C6orf163: variants seen among roughly 807,000 people sequenced by gnomAD.
C6orf163 encodes chromosome 6 open reading frame 163, also known as uncharacterized protein C6orf163.
C6orf163 carries 22 observed loss-of-function variants against 28.4 expected under a neutral mutation model. The observed-to-expected ratio is 0.78, with a 90% CI of 0.55 to 1.11. C6orf163 has a LOEUF of 1.11. C6orf163 is among the 50% of genes least tolerant of loss of function. C6orf163 has a pLI of 0.00. For missense variants in C6orf163, 342 were observed against 389.1 expected (o/e 0.88, Z 1.02); for synonymous variants, 110 against 123.6 (o/e 0.89, Z 0.73).
At chr6:87,349,263 GA>G (rs966065328) in intron 2 of C6orf163, among the ~76,000 whole-genome samples, 4 of 150,894 alleles carry the variant, frequency 2.7e-5, no homozygotes, top group African/African-American at 9.7e-5. Flanking sequence ...AAACTAAAAA[GA>G]AAAAAAAATG....
intron 4 of C6orf163, among the ~76,000 whole-genome samples, chr6:87,359,530 T>C (rs530987600): frequency 3.9e-5 from 6 of 152,328 alleles, no homozygotes; most frequent in African/African-American, 1.4e-4. Flanking sequence ...ACACAGTGGT[T>C]GTACCTGATT....
At chr6:87,359,033 T>G (rs1381693730) in intron 4 of C6orf163, 1 of 152,278 alleles carries the variant, frequency 6.6e-6, no homozygotes, top group Non-Finnish European at 1.5e-5. Flanking sequence ...AAGTACCTTC[T>G]GTGGATGTGG....
chr6:87,348,450 A>G, intron 1 of C6orf163: 1 of 1,000,056 alleles, frequency 1.0e-6, no homozygotes, highest in Non-Finnish European at 1.2e-6. Flanking sequence ...AAATAGGAAC[A>G]GGGAGAGAGA....
At chr6:87,364,839 C>G in intron 4 of C6orf163, 122 bp from the exon 5 acceptor site, 1 of 706,562 alleles carries the variant, frequency 1.4e-6, no homozygotes, top group South Asian at 2.0e-5. Flanking sequence ...TCATCCGTAT[C>G]AGCCTGTCTC....
At chr6:87,351,110 A>G (rs1777405327) in intron 3 of C6orf163, among the ~76,000 whole-genome samples, 1 of 152,268 alleles carries the variant, frequency 6.6e-6, no homozygotes, top group Non-Finnish European at 1.5e-5. Flanking sequence ...GTTCAAGTAC[A>G]TGACTCTAGG....
At chr6:87,356,280 C>T (rs2127933568) in intron 3 of C6orf163, 21 bp from the exon 4 acceptor site, 1 of 1,543,984 alleles carries the variant, frequency 6.5e-7, no homozygotes, top group East Asian at 2.4e-5. Context: ...ATAGCTAAAC[C>T]TAGTTTTGCC....
chr6:87,353,107 A>C (rs1777442674), intron 3 of C6orf163, among the ~76,000 whole-genome samples: 1 of 152,204 alleles, frequency 6.6e-6, no homozygotes, highest in South Asian at 2.1e-4. Context: ...GTGAGGCAGT[A>C]AATGAATTTT....
intron 3 of C6orf163, among the ~76,000 whole-genome samples, chr6:87,354,998 T>C (rs560875736): frequency 1.3e-5 from 2 of 152,368 alleles, no homozygotes; most frequent in Admixed American, 6.5e-5. Context: ...GAACTCTTAC[T>C]GGTTTTATTC....
At position 87,345,046 on chromosome 6, in the gene C6orf163, C is replaced by T; in HGVS notation, c.-54C>T. The T allele has an allele frequency of 2.1e-6, 3 of 1,422,588 alleles. No individual in the cohort carries two copies. Among genetic ancestry groups the T allele is most frequent in the Non-Finnish European group, 2.8e-6 (3 of 1,073,340 alleles). 88.1% of individuals were successfully genotyped at this position (1,422,588 alleles called of 1,614,324 possible). ...TCAGCTTTTCTTGAAACGACTTTTT[C>T]TGATTCTAAGATTATTTTAACTGTA... On this transcript the variant is annotated 5_prime_UTR_variant, in exon 1 of 5. Transcript: ENST00000388923.
intron 1 of C6orf163, among the ~76,000 whole-genome samples, chr6:87,347,059 A>C (rs1203711159): frequency 1.3e-5 from 2 of 152,170 alleles, no homozygotes; most frequent in Non-Finnish European, 2.9e-5. Context: ...CCATCACCAC[A>C]ATCACAACAT....
At chr6:87,362,066 A>G (rs796857423) in intron 4 of C6orf163, among the ~76,000 whole-genome samples, 1 of 152,234 alleles carries the variant, frequency 6.6e-6, no homozygotes, top group Non-Finnish European at 1.5e-5. Flanking sequence ...AGCTTGAAGC[A>G]GGTAATGATT....
At position 87,348,914 on chromosome 6, in the gene C6orf163, A is replaced by G; in HGVS notation, c.243+8A>G. The G allele has an allele frequency of 6.5e-7, 1 of 1,536,186 alleles. No individual in the cohort carries two copies. Among genetic ancestry groups the G allele is most frequent in the Non-Finnish European group, 8.7e-7 (1 of 1,146,672 alleles). ...GCTGAAGTATGGGCTCAGGTAAAAG[A>G]AGTTACATGTCAACCTAAAGTCCAT... On this transcript the variant is annotated splice_region_variant and intron_variant, in intron 2 of 4. Coordinates refer to ENST00000388923, the MANE Select transcript of C6orf163 (RefSeq NM_001010868.3).
At chr6:87,360,642 C>G (rs1487002455) in intron 4 of C6orf163, among the ~76,000 whole-genome samples, 1 of 152,116 alleles carries the variant, frequency 6.6e-6, no homozygotes, top group Non-Finnish European at 1.5e-5. Flanking sequence ...TTCAAGTGAT[C>G]CACTTGCTTC....
intron 1 of C6orf163, chr6:87,347,896 C>G: frequency 1.0e-6 from 1 of 984,092 alleles, no homozygotes; most frequent in Non-Finnish European, 1.2e-6. Flanking sequence ...TGGCTCACGC[C>G]TGTAATCCTA....
At chr6:87,361,743 G>GA (rs1417047362) in intron 4 of C6orf163, among the ~76,000 whole-genome samples, 4 of 152,156 alleles carry the variant, frequency 2.6e-5, no homozygotes, top group African/African-American at 9.7e-5. Context: ...GACCCGGGTT[G>GA]AAAATCAGCA....
intron 4 of C6orf163, among the ~76,000 whole-genome samples, chr6:87,362,952 CTTT>C (rs1777601019): frequency 6.6e-6 from 1 of 152,192 alleles, no homozygotes. Context: ...TGGCTAAGAG[CTTT>C]TGCCCTGGTC....
Position 87,364,955 on chromosome 6 carries a change from T to C in C6orf163, c.555-6T>C. The C allele has an allele frequency of 3.9e-6, 6 of 1,529,248 alleles. No individual in the cohort carries two copies. Among genetic ancestry groups the C allele is most frequent in the Non-Finnish European group, 5.3e-6 (6 of 1,134,322 alleles). The allele number at this position is 1,529,248 out of a possible 1,614,324, so 94.7% of individuals were successfully genotyped here. A position where few individuals can be genotyped will look rare whatever the true frequency, so the allele number is the denominator to read the frequency against. On this transcript the variant is annotated splice_region_variant and splice_polypyrimidine_tract_variant and intron_variant, in intron 4 of 4. Transcript: ENST00000388923. ...CTAAATTATAAATCCATATTATCTT[T>C]TGTAGCAAAGCCGTGGAGGAAATTG... is the stretch of plus-strand genomic sequence containing the variant.
chr6:87,364,978 T>G lies in C6orf163; in HGVS notation c.572T>G (p.Ile191Ser). Residue 191 changes from isoleucine (I) to serine (S), a missense_variant, in exon 5 of 5, where the codon ATT becomes AGT. Physicochemically the swap from Ile to Ser is moderately radical, Grantham distance 142. Transcript: ENST00000388923. ...TTTTGTAGCAAAGCCGTGGAGGAAA[T>G]TGTGAATACTGGTGTCACAGTTATT... is the stretch of plus-strand genomic sequence containing the variant. ...QAQKSKAVEEIVNTGVTVIKD... is the reference protein window; with the variant it reads ...QAQKSKAVEESVNTGVTVIKD... 1 of 1,543,528 alleles carries G rather than the reference T, an allele frequency of 6.5e-7. No homozygotes were observed. The highest frequency in any genetic ancestry group is 1.2e-5 in the South Asian group (1 of 83,492).
Position 87,348,846 on chromosome 6 carries a change from G to A in C6orf163, c.183G>A (p.Gln61=), listed in dbSNP as rs1486061229. Residue 61 remains glutamine (Q), a synonymous_variant, in exon 2 of 5, where the codon CAG becomes CAA. Transcript: ENST00000388923. ...CAAATATTCTGAAAAAAGAAGAGCA[G>A]TTTCAAGAAGATATACTCAGAGAAC... ...IGANILKKEE[Q]FQEDILREHI... The A allele has an allele frequency of 3.3e-6, 5 of 1,537,478 alleles. No individual in the cohort carries two copies. The highest frequency in any genetic ancestry group is 4.4e-6 in the Non-Finnish European group (5 of 1,146,954).
Sources: gnomAD v4.1 joint callset for allele counts (sites outside exome capture counted in the v4.1 genomes callset) on GRCh38, gnomAD v4.1.1 for gene constraint, MANE v1.5 for transcripts, NCBI Gene and HGNC (gene_info 2026-07-23, HGNC 2026-07-21) for gene names.